The following ELMO1 variants were observed in gnomAD, a reference collection of about 807,000 sequenced individuals.
The protein encoded by ELMO1 is engulfment and cell motility 1.
ELMO1 carries 26 observed loss-of-function variants against 98.9 expected under a neutral mutation model. That is an observed-to-expected ratio of 0.26 (90% CI 0.19 to 0.36). The LOEUF (loss-of-function observed/expected upper bound fraction) is 0.36, where lower values mean the gene tolerates loss of function less well. Among genes scored for constraint, ELMO1 ranks in the 10% least tolerant of loss-of-function variants. The pLI is 1.00. For synonymous variants in ELMO1, 346 were observed against 346.0 expected (o/e 1.00, Z 0.00); for missense variants, 627 against 935.2 (o/e 0.67, Z 4.30).
chr7:37,288,293 C>T (rs148336489), intron 4 of ELMO1, among the ~76,000 whole-genome samples: 3,493 of 151,796 alleles, frequency 0.023, 149 homozygotes, highest in African/African-American at 0.08. Flanking sequence ...GGCACGATCT[C>T]GGCTCACTGC....
At chr7:36,986,976 C>T (rs558271885) in intron 16 of ELMO1, among the ~76,000 whole-genome samples, 1 of 152,312 alleles carries the variant, frequency 6.6e-6, no homozygotes, top group East Asian at 1.9e-4. Flanking sequence ...TGTTGCCTAA[C>T]AGCCCTGAGA....
intron 4 of ELMO1, among the ~76,000 whole-genome samples, chr7:37,281,011 A>AT (rs1440152464): frequency 7.9e-5 from 9 of 113,818 alleles, no homozygotes; most frequent in South Asian, 7.5e-4. Context: ...ATATATATAT[A>AT]AATATATATA....
intron 14 of ELMO1, among the ~76,000 whole-genome samples, chr7:37,123,902 A>C (rs1000526251): frequency 1.3e-5 from 2 of 152,230 alleles, no homozygotes; most frequent in African/African-American, 4.8e-5. Flanking sequence ...AATACTGGCA[A>C]ACCGAATCCA....
chr7:36,959,734 G>C (rs575281862), intron 16 of ELMO1, among the ~76,000 whole-genome samples: 1 of 152,320 alleles, frequency 6.6e-6, no homozygotes, highest in South Asian at 2.1e-4. Flanking sequence ...AGGCTGGAGT[G>C]CAGTGGCGTG....
chr7:37,401,705 C>T (rs978801301), intron 1 of ELMO1, among the ~76,000 whole-genome samples: 1 of 152,114 alleles, frequency 6.6e-6, no homozygotes, highest in Non-Finnish European at 1.5e-5. Context: ...CTCACTATCA[C>T]GAGAACAGCA....
chr7:37,231,306 A>G (rs1794161922), intron 8 of ELMO1, among the ~76,000 whole-genome samples: 1 of 149,348 alleles, frequency 6.7e-6, no homozygotes, highest in African/African-American at 2.5e-5. Context: ...TCAAGGCAAC[A>G]TCTCCCCTAA....
intron 1 of ELMO1, among the ~76,000 whole-genome samples, chr7:37,399,206 G>A (rs548783914): frequency 6.6e-6 from 1 of 152,348 alleles, no homozygotes; most frequent in South Asian, 2.1e-4. Flanking sequence ...GCCCATGAGG[G>A]CTGGGACCAC....
In ELMO1 at chr7:37,119,955, T is replaced by G. The variant is rs536593929; in HGVS notation, c.1191+13175A>C. ...TGTATACATTAATTATGTGATTTTTTGGGTAAGCAATTATATCTCGATAAA... is the reference window on the plus strand; with the variant it reads ...TGTATACATTAATTATGTGATTTTTGGGGTAAGCAATTATATCTCGATAAA... On this transcript the variant is annotated intron_variant, in intron 14 of 21. Transcript: ENST00000310758. 1.0e-3 allele frequency among the ~76,000 whole-genome samples: 156 copies of G among 152,310 alleles called. 1 individual carries two copies. Among genetic ancestry groups the G allele is most frequent in the African/African-American group, 3.5e-3 (146 of 41,574 alleles).
At chr7:37,438,523 C>A (rs1805252369) in intron 1 of ELMO1, among the ~76,000 whole-genome samples, 1 of 151,908 alleles carries the variant, frequency 6.6e-6, no homozygotes, top group Non-Finnish European at 1.5e-5. Flanking sequence ...TGGCGTGAAC[C>A]CGGGAGGCGG....
At chr7:37,280,254 A>C (rs1797066408) in intron 4 of ELMO1, among the ~76,000 whole-genome samples, 1 of 152,382 alleles carries the variant, frequency 6.6e-6, no homozygotes, top group East Asian at 1.9e-4. Flanking sequence ...AAATTCTAGC[A>C]GATAACATCG....
intron 1 of ELMO1, among the ~76,000 whole-genome samples, chr7:37,344,541 T>C (rs944188055): frequency 5.9e-5 from 9 of 152,236 alleles, no homozygotes; most frequent in Non-Finnish European, 1.3e-4. Context: ...TAAACTTATA[T>C]ATAACTGATT....
intron 2 of ELMO1, among the ~76,000 whole-genome samples, chr7:37,328,770 G>A (rs1006198634): frequency 3.3e-5 from 5 of 152,104 alleles, no homozygotes; most frequent in Non-Finnish European, 5.9e-5. Flanking sequence ...GCTCACTCTG[G>A]ATGCCCAAAT....
intron 1 of ELMO1, among the ~76,000 whole-genome samples, chr7:37,420,163 C>G (rs1310748910): frequency 6.6e-6 from 1 of 151,824 alleles, no homozygotes; most frequent in East Asian, 1.9e-4. Context: ...AGCCAAATGG[C>G]CTCCCAGCAA....
chr7:37,142,734 G>A (rs1294617385), intron 13 of ELMO1, among the ~76,000 whole-genome samples: 1 of 152,202 alleles, frequency 6.6e-6, no homozygotes, highest in East Asian at 1.9e-4. Flanking sequence ...AAATGTAAAA[G>A]AGAAACACAT....
At chr7:37,316,857 G>T (rs1183973215) in intron 2 of ELMO1, among the ~76,000 whole-genome samples, 3 of 152,094 alleles carry the variant, frequency 2.0e-5, no homozygotes, top group African/African-American at 7.2e-5. Flanking sequence ...ATATAAGCAG[G>T]TTTTACTCCT....
At chr7:37,007,475 G>A (rs760027292) in intron 16 of ELMO1, among the ~76,000 whole-genome samples, 2 of 152,126 alleles carry the variant, frequency 1.3e-5, no homozygotes, top group Non-Finnish European at 2.9e-5. Context: ...CCTGCCTCAC[G>A]CAAATGAGGA....
At chr7:37,434,336 TG>T (rs906835076) in intron 1 of ELMO1, among the ~76,000 whole-genome samples, 4 of 152,212 alleles carry the variant, frequency 2.6e-5, no homozygotes, top group African/African-American at 9.6e-5. Flanking sequence ...TGCTGTTTCC[TG>T]GGTCCCCAGT....
intron 16 of ELMO1, among the ~76,000 whole-genome samples, chr7:36,974,914 G>A (rs771098430): frequency 9.9e-5 from 15 of 151,842 alleles, no homozygotes; most frequent in African/African-American, 1.9e-4. Flanking sequence ...CACTCACTGC[G>A]AACGTCTGCA....
Position 37,092,646 on chromosome 7 carries a change from A to T in ELMO1, c.1300+3973T>A, listed in dbSNP as rs555278108. ...CACCTTGGCCTCCCAAACTGCTGGG[A>T]TTACAGGCGTGAGCCAACACATCCG... is the stretch of plus-strand genomic sequence containing the variant. On this transcript the variant is annotated intron_variant, in intron 15 of 21. Coordinates refer to ENST00000310758, the MANE Select transcript of ELMO1 (RefSeq NM_014800.11). 2.0e-5 allele frequency among the ~76,000 whole-genome samples: 3 copies of T among 152,200 alleles called. No individual in the cohort carries two copies. The East Asian group carries it at 5.8e-4, about 29-fold the overall frequency.
Sources: gnomAD v4.1 joint callset for allele counts (sites outside exome capture counted in the v4.1 genomes callset) on GRCh38, gnomAD v4.1.1 for gene constraint, MANE v1.5 for transcripts, NCBI Gene and HGNC (gene_info 2026-07-23, HGNC 2026-07-21) for gene names.